Variants in SPATA12 observed in about 807,000 individuals in gnomAD.
The protein encoded by SPATA12 is spermatogenesis associated 12.
For missense variants in SPATA12, 219 were observed against 226.4 expected, an observed-to-expected ratio of 0.97 and a Z score of 0.21; for synonymous variants, 85 against 89.2, an observed-to-expected ratio of 0.95 and a Z score of 0.26.
chr3:57,067,334 A>C (rs929949516), intron 1 of SPATA12, among the ~76,000 whole-genome samples: 1 of 151,378 alleles, frequency 6.6e-6, no homozygotes, highest in Admixed American at 6.6e-5. Context: ...GGGCGCCTGT[A>C]CTCCCAGTTA....
chr3:57,073,904 G>A lies in SPATA12; in HGVS notation c.210G>A (p.Leu70=). 1 of 1,614,202 alleles carries A rather than the reference G, an allele frequency of 6.2e-7. No individual in the cohort carries two copies. Among genetic ancestry groups the A allele is most frequent in the Non-Finnish European group, 8.5e-7 (1 of 1,180,036 alleles). Residue 70 remains leucine (L), a synonymous_variant, in exon 2 of 2, where the codon CTG becomes CTA. Transcript: ENST00000334325. ...LPGAASALPE[L]TFQGDVCQSE... is the part of the protein sequence containing the mutation. ...GAGCAGCCTCTGCCCTCCCAGAGCT[G>A]ACATTTCAGGGGGATGTGTGCCAAA... is the stretch of plus-strand genomic sequence containing the variant.
chr3:57,062,432 G>T (rs1305034124), intron 1 of SPATA12, among the ~76,000 whole-genome samples: 3 of 152,224 alleles, frequency 2.0e-5, no homozygotes, highest in African/African-American at 7.2e-5. Flanking sequence ...TCGGGCTCAG[G>T]CTAGGCTCAG....
At chr3:57,069,376 A>C (rs372456761) in intron 1 of SPATA12, among the ~76,000 whole-genome samples, 3 of 146,362 alleles carry the variant, frequency 2.0e-5, no homozygotes, top group Non-Finnish European at 4.5e-5. Flanking sequence ...CTGTCTCTCA[A>C]ACACACACAC....
chr3:57,064,824 T>C (rs1206394236), intron 1 of SPATA12, among the ~76,000 whole-genome samples: 2 of 152,200 alleles, frequency 1.3e-5, no homozygotes, highest in Non-Finnish European at 2.9e-5. Flanking sequence ...ATACAGTGTT[T>C]CAGTGTCACA....
chr3:57,068,169 A>ACACC (rs1491548605), intron 1 of SPATA12, among the ~76,000 whole-genome samples: 22 of 2,696 alleles, frequency 8.2e-3, no homozygotes, highest in African/African-American at 0.021. Flanking sequence ...ACACACACAT[A>ACACC]CACACACACA....
rs1293072606 is a variant in SPATA12 at position 57,075,003 on chromosome 3, G to C, written c.*736G>C. The C allele has an allele frequency of 1.8e-5, 3 of 167,270 alleles. No individual in the cohort carries two copies. The highest frequency in any genetic ancestry group is 6.5e-5 in the Admixed American group (1 of 15,294). 10.4% of individuals were successfully genotyped at this position (167,270 alleles called of 1,614,324 possible). A position where few individuals can be genotyped will look rare whatever the true frequency, so the allele number is the denominator to read the frequency against. The stretch of plus-strand genomic sequence containing the variant: ...GTCTCATTTTCCCTCCCCTTCTGCA[G>C]TGAGATAGACCATGTCCAGTGCTCA... On this transcript the variant is annotated 3_prime_UTR_variant, in exon 2 of 2. Transcript: ENST00000334325.
intron 1 of SPATA12, among the ~76,000 whole-genome samples, chr3:57,069,722 G>A (rs1705777798): frequency 6.6e-6 from 1 of 152,064 alleles, no homozygotes; most frequent in Non-Finnish European, 1.5e-5. Flanking sequence ...ACAGCTCATT[G>A]CAGCGTCAAA....
rs55876198 is a variant in SPATA12, at chr3:57,068,168, T to TACACACAC, written c.-329-5183_-329-5176dup. The stretch of plus-strand genomic sequence containing the variant: ...ATTCAGATATGCGCGCACACACACA[T>TACACACAC]ACACACACACACACACACACACCAG... On this transcript the variant is annotated intron_variant, in intron 1 of 1. Coordinates refer to ENST00000334325, the MANE Select transcript of SPATA12 (RefSeq NM_181727.2). 8.8e-4 allele frequency among the ~76,000 whole-genome samples: 131 copies of TACACACAC among 149,090 alleles called. 1 individual carries two copies. The Middle Eastern group carries it at 0.01, about 12-fold the overall frequency.
intron 1 of SPATA12, among the ~76,000 whole-genome samples, chr3:57,066,576 C>T (rs1334007235): frequency 6.6e-6 from 1 of 152,174 alleles, no homozygotes; most frequent in Non-Finnish European, 1.5e-5. Context: ...TGCCTTTTTC[C>T]TTTCTTCTGA....
intron 1 of SPATA12, among the ~76,000 whole-genome samples, chr3:57,071,360 A>G (rs1352087413): frequency 1.3e-5 from 2 of 152,180 alleles, no homozygotes; most frequent in African/African-American, 4.8e-5. Flanking sequence ...TAAAACTCTT[A>G]TAAGAATATA....
Position 57,073,800 on chromosome 3 carries a change from G to A in SPATA12, c.106G>A (p.Gly36Ser), listed in dbSNP as rs530541970. The A allele has an allele frequency of 4.1e-5, 66 of 1,614,216 alleles. No individual in the cohort carries two copies. The highest frequency in any genetic ancestry group is 5.4e-5 in the Non-Finnish European group (64 of 1,180,048). The change falls in exon 2 of 2, where the codon GGC (glycine) becomes AGC (serine). Residue 36 changes from glycine to serine, a missense_variant. Coordinates refer to ENST00000334325, the MANE Select transcript of SPATA12 (RefSeq NM_181727.2). ...CAGACTCGTTCCATGGCCACCCAGA[G>A]GCCTTGGGTCATCCACCCAACATCC... Reference protein sequence around the residue: ...SSRLVPWPPRGLGSSTQHPNK... With the variant: ...SSRLVPWPPRSLGSSTQHPNK...
intron 1 of SPATA12, among the ~76,000 whole-genome samples, chr3:57,069,832 A>C (rs1560177027): frequency 1.3e-5 from 2 of 152,170 alleles, no homozygotes; most frequent in Non-Finnish European, 2.9e-5. Flanking sequence ...TTTTATAGAA[A>C]TAGAGTCTCG....
intron 1 of SPATA12, among the ~76,000 whole-genome samples, chr3:57,069,413 T>TCACAC (rs1705758841): frequency 1.7e-5 from 2 of 116,936 alleles, no homozygotes; most frequent in African/African-American, 6.7e-5. Flanking sequence ...ACACACACAT[T>TCACAC]GTTTGTTTAA....
At chr3:57,063,208 G>C (rs1579197934) in intron 1 of SPATA12, among the ~76,000 whole-genome samples, 1 of 152,194 alleles carries the variant, frequency 6.6e-6, no homozygotes, top group African/African-American at 2.4e-5. Flanking sequence ...GATGTGGCTA[G>C]AGTGCGGTTA....
In SPATA12 at chr3:57,073,587, G is replaced by T; in HGVS notation, c.-108G>T. 1 of 1,458,312 alleles carries T rather than the reference G, an allele frequency of 6.9e-7. No individual in the cohort carries two copies. 90.3% of individuals were successfully genotyped at this position (1,458,312 alleles called of 1,614,324 possible). On this transcript the variant is annotated 5_prime_UTR_variant, in exon 2 of 2. Coordinates refer to ENST00000334325, the MANE Select transcript of SPATA12 (RefSeq NM_181727.2). The stretch of plus-strand genomic sequence containing the variant: ...GTGTGGCTGAAGGTGAATTGGAACA[G>T]TGCACTCAGAGCCAGGTTGCAAGAG...
At chr3:57,064,149 G>C (rs1032215862) in intron 1 of SPATA12, among the ~76,000 whole-genome samples, 16 of 152,038 alleles carry the variant, frequency 1.1e-4, no homozygotes, top group African/African-American at 3.1e-4. Flanking sequence ...CATGCCTGTA[G>C]TCCCAGCTAA....
chr3:57,062,884 T>G (rs930417376), intron 1 of SPATA12, among the ~76,000 whole-genome samples: 1 of 152,206 alleles, frequency 6.6e-6, no homozygotes, highest in African/African-American at 2.4e-5. Context: ...GGCAAGGCAC[T>G]GGGGACATGA....
At chr3:57,062,310 C>A (rs1219626284) in intron 1 of SPATA12, among the ~76,000 whole-genome samples, 1 of 152,162 alleles carries the variant, frequency 6.6e-6, no homozygotes, top group African/African-American at 2.4e-5. Context: ...GTTAGGATGA[C>A]CCTGAGGAAG....
At chr3:57,068,046 A>C (rs1050726323) in intron 1 of SPATA12, among the ~76,000 whole-genome samples, 1 of 151,942 alleles carries the variant, frequency 6.6e-6, no homozygotes, top group African/African-American at 2.4e-5. Context: ...GGTGGCATGC[A>C]CCTGTAGTCC....
Sources: gnomAD v4.1 joint callset for allele counts (sites outside exome capture counted in the v4.1 genomes callset) on GRCh38, gnomAD v4.1.1 for gene constraint, MANE v1.5 for transcripts, NCBI Gene and HGNC (gene_info 2026-07-23, HGNC 2026-07-21) for gene names.